The following CCBE1 variants were observed in gnomAD, a reference collection of about 807,000 sequenced individuals.
CCBE1 encodes collagen and calcium binding EGF domains 1.
In CCBE1, 37 loss-of-function variants were observed where a neutral mutation model predicts 50.0. The observed-to-expected ratio is 0.74, with a 90% CI of 0.57 to 0.97. CCBE1 has a LOEUF of 0.97. CCBE1 is among the 50% of genes least tolerant of loss of function. The pLI, the probability that CCBE1 is intolerant of heterozygous loss-of-function variation, is 0.00. For synonymous variants in CCBE1, 234 were observed against 203.7 expected, an observed-to-expected ratio of 1.15 and a Z score of -1.27; for missense variants, 538 against 523.8, an observed-to-expected ratio of 1.03 and a Z score of -0.26.
At chr18:59,627,711 A>T (rs558450195) in intron 2 of CCBE1, among the ~76,000 whole-genome samples, 4 of 152,328 alleles carry the variant, frequency 2.6e-5, no homozygotes, top group Admixed American at 2.6e-4. Flanking sequence ...AGCAACCCCC[A>T]GACGCTGGAA....
In CCBE1 at chr18:59,615,290, C is replaced by T. The variant is rs2053622020; in HGVS notation, c.212+81339G>A. On this transcript the variant is annotated intron_variant, in intron 2 of 10. Transcript: ENST00000439986. ...GGGTCATCTCTTAGGATCTGCAAGG[C>T]TGTTCAAAGCTTTACTTCCTGTTTC... 3.9e-5 allele frequency among the ~76,000 whole-genome samples: 6 copies of T among 152,354 alleles called. No individual in the cohort carries two copies. The South Asian group carries it at 1.2e-3, about 32-fold the overall frequency.
chr18:59,559,965 T>C (rs2052710397), intron 2 of CCBE1, among the ~76,000 whole-genome samples: 1 of 151,532 alleles, frequency 6.6e-6, no homozygotes, highest in Non-Finnish European at 1.5e-5. Flanking sequence ...CATGGGAGGG[T>C]GACAATGGAC....
chr18:59,551,026 A>AGG (rs1568201653), intron 2 of CCBE1, among the ~76,000 whole-genome samples: 2 of 117,724 alleles, frequency 1.7e-5, no homozygotes, highest in East Asian at 2.5e-4. Context: ...AAAAAAAAAA[A>AGG]AAAGAAAAGA....
intron 2 of CCBE1, among the ~76,000 whole-genome samples, chr18:59,533,161 AAAC>A (rs1334689042): frequency 7.2e-5 from 11 of 152,356 alleles, no homozygotes; most frequent in Admixed American, 5.2e-4. Flanking sequence ...TTTAGAAACA[AAAC>A]AAAGTAGATC....
intron 2 of CCBE1, among the ~76,000 whole-genome samples, chr18:59,539,050 C>A (rs1459061120): frequency 6.6e-6 from 1 of 152,188 alleles, no homozygotes; most frequent in South Asian, 2.1e-4. Flanking sequence ...GTAGCATGCA[C>A]CTACAGTCCC....
chr18:59,502,859 G>T (rs978354293), intron 2 of CCBE1, among the ~76,000 whole-genome samples: 1 of 152,190 alleles, frequency 6.6e-6, no homozygotes, highest in Non-Finnish European at 1.5e-5. Flanking sequence ...AGGGAGGCCT[G>T]CTGCAACCCT....
intron 2 of CCBE1, among the ~76,000 whole-genome samples, chr18:59,592,367 G>GA (rs1488848229): frequency 6.6e-6 from 1 of 152,138 alleles, no homozygotes; most frequent in African/African-American, 2.4e-5. Context: ...CCAAAGTCTG[G>GA]AAAAAATCTG....
chr18:59,696,387 C>T, intron 2 of CCBE1: 4 of 1,010,638 alleles, frequency 4.0e-6, no homozygotes, highest in African/African-American at 1.7e-5. Context: ...TTTCAGGGAG[C>T]GGCAACCATC....
chr18:59,563,580 A>G (rs75425032), intron 2 of CCBE1: 2 of 152,164 alleles, frequency 1.3e-5, no homozygotes, highest in Non-Finnish European at 2.9e-5. Context: ...CCCTGCTGGT[A>G]TAAGTGGATC....
In CCBE1 at chr18:59,605,410, T is replaced by C. The variant is rs148324173; in HGVS notation, c.212+91219A>G. ...AATAAGGCATGAACTAGCTGGGGTG[T>C]AGCACAGAATAAAGGGGGCATCTCA... On this transcript the variant is annotated intron_variant, in intron 2 of 10. Coordinates refer to ENST00000439986, the MANE Select transcript of CCBE1 (RefSeq NM_133459.4). Among the ~76,000 whole-genome samples the C allele has an allele frequency of 2.6e-3, 391 of 152,158 alleles. 10 individuals carry two copies. The East Asian group carries it at 0.037, about 15-fold the overall frequency.
intron 2 of CCBE1, among the ~76,000 whole-genome samples, chr18:59,543,919 CTGTT>C: frequency 6.6e-6 from 1 of 151,114 alleles, no homozygotes; most frequent in East Asian, 1.9e-4. Context: ...TTCTGGGATT[CTGTT>C]TGTGTTTAAA....
At chr18:59,450,934 G>A (rs1910901505) in intron 6 of CCBE1, among the ~76,000 whole-genome samples, 1 of 152,176 alleles carries the variant, frequency 6.6e-6, no homozygotes, top group Non-Finnish European at 1.5e-5. Context: ...ATAACCACCT[G>A]AGGCAAAGGT....
intron 2 of CCBE1, among the ~76,000 whole-genome samples, chr18:59,523,274 CAA>C (rs1395586983): frequency 6.6e-6 from 1 of 151,280 alleles, no homozygotes; most frequent in Non-Finnish European, 1.5e-5. Context: ...AGCTTAGAGA[CAA>C]TGGTTGGGCA....
At chr18:59,490,183 C>A (rs1913029686) in intron 2 of CCBE1, among the ~76,000 whole-genome samples, 1 of 151,932 alleles carries the variant, frequency 6.6e-6, no homozygotes, top group Non-Finnish European at 1.5e-5. Context: ...CGGGGTTTCG[C>A]CATGTTGGGC....
chr18:59,512,567 T>C (rs1166867787), intron 2 of CCBE1, among the ~76,000 whole-genome samples: 2 of 152,226 alleles, frequency 1.3e-5, no homozygotes, highest in Non-Finnish European at 1.5e-5. Context: ...CACGTGCCAT[T>C]CCCTGTATGA....
At chr18:59,598,168 C>T (rs959456891) in intron 2 of CCBE1, among the ~76,000 whole-genome samples, 6 of 152,174 alleles carry the variant, frequency 3.9e-5, no homozygotes, top group Non-Finnish European at 8.8e-5. Flanking sequence ...CTAGCTTTAG[C>T]ACAAAGGGAT....
At chr18:59,655,909 C>A (rs1272619056) in intron 2 of CCBE1, among the ~76,000 whole-genome samples, 2 of 152,212 alleles carry the variant, frequency 1.3e-5, no homozygotes, top group Non-Finnish European at 2.9e-5. Context: ...AGACAGAACA[C>A]CACATTCCCT....
intron 2 of CCBE1, among the ~76,000 whole-genome samples, chr18:59,542,276 A>ATTGAATG (rs1915499975): frequency 1.3e-5 from 2 of 151,808 alleles, no homozygotes; most frequent in African/African-American, 4.8e-5. Context: ...TCAGGTAGAA[A>ATTGAATG]TCTTAATAAA....
At chr18:59,436,605 G>A (rs1052130888) in intron 10 of CCBE1, among the ~76,000 whole-genome samples, 8 of 152,182 alleles carry the variant, frequency 5.3e-5, no homozygotes, top group African/African-American at 1.9e-4. Flanking sequence ...ATAGGGTTTT[G>A]TAGGATTCAT....
Sources: allele counts gnomAD v4.1 joint callset (sites outside exome capture counted in the v4.1 genomes callset), GRCh38; gene constraint gnomAD v4.1.1; transcripts MANE v1.5; gene names NCBI Gene and HGNC (gene_info 2026-07-23, HGNC 2026-07-21).